The following ZNF365 variants were observed in gnomAD, a reference collection of about 807,000 sequenced individuals.
ZNF365 encodes the protein zinc finger protein 365.
A neutral mutation model predicts 35.0 loss-of-function variants in ZNF365; 22 were observed. The ratio of observed to expected loss-of-function variants is 0.63; its 90% CI spans 0.45 to 0.90. The LOEUF (loss-of-function observed/expected upper bound fraction) is 0.90. Ranked by LOEUF, ZNF365 falls within the 40% of genes least tolerant of loss-of-function variation. The probability of loss-of-function intolerance (pLI) is 0.00; values close to 1 mark genes in which losing one functional copy is unlikely to be tolerated. For missense variants in ZNF365, 448 were observed against 500.3 expected (o/e 0.90, Z 1.00); for synonymous variants, 188 against 196.2 (o/e 0.96, Z 0.35).
At chr10:62,471,089 G>A (rs1460421918) in intron 4 of ZNF365, among the ~76,000 whole-genome samples, 4 of 151,808 alleles carry the variant, frequency 2.6e-5, no homozygotes, top group South Asian at 4.2e-4. Context: ...AATCTAGGCC[G>A]GGTGCCGTGG....
chr10:62,395,101 C>T (rs1376862591), intron 3 of ZNF365, among the ~76,000 whole-genome samples: 2 of 152,118 alleles, frequency 1.3e-5, no homozygotes, highest in Non-Finnish European at 2.9e-5. Flanking sequence ...GCTTCAGAAG[C>T]GTGGATTTCT....
At chr10:62,381,045 G>A (rs1392447794) in intron 2 of ZNF365, among the ~76,000 whole-genome samples, 1 of 152,164 alleles carries the variant, frequency 6.6e-6, no homozygotes, top group Non-Finnish European at 1.5e-5. Flanking sequence ...GTTCTGTATA[G>A]GAAGAATAAG....
Position 62,381,546 on chromosome 10 carries a change from G to C in ZNF365, c.743+4610G>C, listed in dbSNP as rs115004739. Among the ~76,000 whole-genome samples, 569 of 152,132 alleles carry C rather than the reference G, an allele frequency of 3.7e-3. 7 individuals carry two copies. The highest frequency in any genetic ancestry group is 0.013 in the African/African-American group (539 of 41,504). On this transcript the variant is annotated intron_variant, in intron 2 of 4. Coordinates refer to ENST00000395254, the MANE Select transcript of ZNF365 (RefSeq NM_014951.3). ...GTAATACTGAGTGTGGCCCATTTTG[G>C]ATGGGCTTGCTTCTTTGCTATTTTG... is the stretch of plus-strand genomic sequence containing the variant.
intron 4 of ZNF365, among the ~76,000 whole-genome samples, chr10:62,466,564 G>A (rs2393883): frequency 0.3 from 45,201 of 151,898 alleles, 6,825 homozygotes; most frequent in South Asian, 0.35. Flanking sequence ...GGCACTGCTG[G>A]CCATAGAGGT....
chr10:62,435,233 G>A (rs1186805836), intron 3 of ZNF365, among the ~76,000 whole-genome samples: 1 of 152,140 alleles, frequency 6.6e-6, no homozygotes, highest in Non-Finnish European at 1.5e-5. Context: ...CTCTGCATTG[G>A]TGGGTGAAAT....
At position 62,376,320 on chromosome 10, in the gene ZNF365, T is replaced by C; in HGVS notation, c.127T>C (p.Leu43=). 1 of 1,614,158 alleles carries C rather than the reference T, an allele frequency of 6.2e-7. No homozygotes were observed. The highest frequency in any genetic ancestry group is 8.5e-7 in the Non-Finnish European group (1 of 1,180,038). Reference sequence around the variant, plus strand: ...TACCAGATTTAGAAGCTTGTCATCCTTGAGGGCCCATCTGGAGTTCAGTCA... The same window carrying C: ...TACCAGATTTAGAAGCTTGTCATCCCTGAGGGCCCATCTGGAGTTCAGTCA... The part of the protein sequence containing the change: ...DHTRFRSLSS[L]RAHLEFSHSY... Residue 43 remains leucine (L), a synonymous_variant, in exon 2 of 5, where the codon TTG becomes CTG. Coordinates refer to ENST00000395254, the MANE Select transcript of ZNF365 (RefSeq NM_014951.3).
chr10:62,475,604 T>G (rs576267451), intron 4 of ZNF365, among the ~76,000 whole-genome samples: 4 of 152,234 alleles, frequency 2.6e-5, no homozygotes, highest in Non-Finnish European at 5.9e-5. Flanking sequence ...AGAGGGAGCT[T>G]GCACTCTTTT....
chr10:62,420,444 T>C, intron 3 of ZNF365, among the ~76,000 whole-genome samples: 1 of 152,228 alleles, frequency 6.6e-6, no homozygotes, highest in East Asian at 1.9e-4. Context: ...TGTAGGTAAC[T>C]ATGTCACAGA....
intron 3 of ZNF365, among the ~76,000 whole-genome samples, chr10:62,425,981 A>G (rs1427857693): frequency 6.6e-6 from 1 of 152,146 alleles, no homozygotes; most frequent in Non-Finnish European, 1.5e-5. Flanking sequence ...GCAAGTCCAA[A>G]CAACCATTTT....
At chr10:62,421,461 G>A (rs947085586) in intron 3 of ZNF365, among the ~76,000 whole-genome samples, 21 of 152,178 alleles carry the variant, frequency 1.4e-4, no homozygotes, top group African/African-American at 4.3e-4. Flanking sequence ...TCAGTTAAGC[G>A]GGTGGGCTTT....
chr10:62,411,751 G>A (rs1839988414), intron 3 of ZNF365, among the ~76,000 whole-genome samples: 1 of 151,998 alleles, frequency 6.6e-6, no homozygotes, highest in Admixed American at 6.6e-5. Context: ...GGATTGTCTT[G>A]GCTATTTGGG....
chr10:62,401,145 T>C lies in ZNF365; in HGVS notation c.*1356T>C. Reference sequence around the variant, plus strand: ...ACAAATATATACATATATACATATATATAACACATACAAAATATATATGTT... The same window carrying C: ...ACAAATATATACATATATACATATACATAACACATACAAAATATATATGTT... On this transcript the variant is annotated 3_prime_UTR_variant, in exon 5 of 5. Coordinates refer to ENST00000395254, the MANE Select transcript of ZNF365 (RefSeq NM_014951.3). 2 of 960,730 alleles carry C rather than the reference T, an allele frequency of 2.1e-6. No homozygotes were observed. The highest frequency in any genetic ancestry group is 9.6e-5 in the South Asian group (2 of 20,788). The allele number at this position is 960,730 out of a possible 1,614,324, so 59.5% of individuals were successfully genotyped here. A position where few individuals can be genotyped will look rare whatever the true frequency, so the allele number is the denominator to read the frequency against.
intron 3 of ZNF365, among the ~76,000 whole-genome samples, chr10:62,452,382 A>G (rs749288149): frequency 2.0e-5 from 3 of 152,006 alleles, no homozygotes; most frequent in Non-Finnish European, 2.9e-5. Flanking sequence ...AAAATTAACC[A>G]CCCCCAGAAT....
intron 3 of ZNF365, among the ~76,000 whole-genome samples, chr10:62,455,786 C>T (rs1840752929): frequency 6.6e-6 from 1 of 152,090 alleles, no homozygotes. Context: ...GAAAGGTCTG[C>T]ATGTATTCTG....
At position 62,401,491 on chromosome 10, in the gene ZNF365, G is replaced by T. The variant is rs1589437170; in HGVS notation, c.*1702G>T. 1 of 985,382 alleles carries T rather than the reference G, an allele frequency of 1.0e-6. No homozygotes were observed. Among genetic ancestry groups the T allele is most frequent in the East Asian group, 1.1e-4 (1 of 8,968 alleles). The allele number at this position is 985,382 out of a possible 1,614,324, so 61.0% of individuals were successfully genotyped here. On this transcript the variant is annotated 3_prime_UTR_variant, in exon 5 of 5. Coordinates refer to ENST00000395254, the MANE Select transcript of ZNF365 (RefSeq NM_014951.3). ...TCACTTTGACTTTCAGTTTATGGGG[G>T]GGGTAGATCATTCATGTGATATATA... is the stretch of plus-strand genomic sequence containing the variant.
At chr10:62,458,748 A>G (rs1249418355) in intron 3 of ZNF365, among the ~76,000 whole-genome samples, 1 of 152,138 alleles carries the variant, frequency 6.6e-6, no homozygotes, top group African/African-American at 2.4e-5. Context: ...ACCTGAATGA[A>G]CAAACTTCAG....
intron 4 of ZNF365, among the ~76,000 whole-genome samples, chr10:62,472,459 T>A (rs1227295718): frequency 6.6e-6 from 1 of 152,150 alleles, no homozygotes; most frequent in Non-Finnish European, 1.5e-5. Flanking sequence ...GTCACAGGTG[T>A]TCTTAAAAAG....
At chr10:62,469,405 C>T (rs1840997049) in intron 4 of ZNF365, among the ~76,000 whole-genome samples, 1 of 152,094 alleles carries the variant, frequency 6.6e-6, no homozygotes, top group African/African-American at 2.4e-5. Flanking sequence ...GTAAAGGGCA[C>T]CCATTTTACT....
chr10:62,398,246 A>G (rs1839764597), intron 3 of ZNF365, among the ~76,000 whole-genome samples: 1 of 152,240 alleles, frequency 6.6e-6, no homozygotes. Context: ...GTATATGTGA[A>G]CCATGGAATA....
Sources: gnomAD v4.1 joint callset for allele counts (sites outside exome capture counted in the v4.1 genomes callset) on GRCh38, gnomAD v4.1.1 for gene constraint, MANE v1.5 for transcripts, NCBI Gene and HGNC (gene_info 2026-07-23, HGNC 2026-07-21) for gene names.